Variants in CACNA2D3 observed in about 807,000 individuals in gnomAD.
CACNA2D3 encodes calcium voltage-gated channel auxiliary subunit alpha2delta 3.
Under a neutral mutation model 160.6 loss-of-function variants are expected in CACNA2D3, and 60 were observed. The observed-to-expected ratio is 0.37, with a 90% CI of 0.30 to 0.46. The LOEUF (loss-of-function observed/expected upper bound fraction) is 0.46, where lower values mean the gene tolerates loss of function less well. Ranked by LOEUF, CACNA2D3 falls within the 20% of genes least tolerant of loss-of-function variation. The probability of loss-of-function intolerance (pLI) is 1.00; values close to 1 mark genes in which losing one functional copy is unlikely to be tolerated. For synonymous variants in CACNA2D3, 558 were observed against 492.9 expected (o/e 1.13, Z -1.75); for missense variants, 1,205 against 1,365.0 (o/e 0.88, Z 1.85).
intron 11 of CACNA2D3, among the ~76,000 whole-genome samples, chr3:54,685,342 T>G (rs1383309038): frequency 6.6e-6 from 1 of 152,272 alleles, no homozygotes; most frequent in African/African-American, 2.4e-5. Context: ...TACTTAAGTC[T>G]GCTACTGTAG....
intron 11 of CACNA2D3, among the ~76,000 whole-genome samples, chr3:54,736,877 G>T (rs1355313172): frequency 6.6e-6 from 1 of 152,038 alleles, no homozygotes; most frequent in African/African-American, 2.4e-5. Flanking sequence ...TGTAATCCTC[G>T]GTTTGTTCAG....
At chr3:54,689,777 C>A (rs1480738530) in intron 11 of CACNA2D3, among the ~76,000 whole-genome samples, 1 of 152,068 alleles carries the variant, frequency 6.6e-6, no homozygotes, top group Non-Finnish European at 1.5e-5. Context: ...ACTACACTAG[C>A]CTCCTAACTA....
At chr3:54,324,113 A>C (rs558687084) in intron 3 of CACNA2D3, among the ~76,000 whole-genome samples, 1 of 152,118 alleles carries the variant, frequency 6.6e-6, no homozygotes, top group African/African-American at 2.4e-5. Flanking sequence ...GTGCTGGGGG[A>C]AAAAAATGGA....
intron 4 of CACNA2D3, among the ~76,000 whole-genome samples, chr3:54,408,816 A>C (rs1007754625): frequency 6.6e-6 from 1 of 152,168 alleles, no homozygotes; most frequent in African/African-American, 2.4e-5. Flanking sequence ...TTTTTTTCAC[A>C]TAAGTGTCCA....
At chr3:54,817,677 T>C (rs1703487488) in intron 14 of CACNA2D3, among the ~76,000 whole-genome samples, 1 of 152,196 alleles carries the variant, frequency 6.6e-6, no homozygotes, top group African/African-American at 2.4e-5. Context: ...TCCTAAGCTC[T>C]CCAGTTTAGA....
At chr3:54,998,906 C>T (rs911108690) in intron 31 of CACNA2D3, among the ~76,000 whole-genome samples, 19 of 152,016 alleles carry the variant, frequency 1.2e-4, no homozygotes, top group African/African-American at 4.3e-4. Context: ...GCTACCATGC[C>T]CGGCTAATTT....
At chr3:54,915,284 C>T (rs535904078) in intron 27 of CACNA2D3, among the ~76,000 whole-genome samples, 34 of 152,212 alleles carry the variant, frequency 2.2e-4, no homozygotes, top group Admixed American at 5.9e-4. Flanking sequence ...TTCATGCCCC[C>T]TTTTTTTATG....
At position 54,554,336 on chromosome 3, in the gene CACNA2D3, G is replaced by A. The variant is rs144971249; in HGVS notation, c.545-8464G>A. ...CTCATACTGAAATGTCAACTTCATT[G>A]TCTGGCATAATGTTGAATGCCTGAT... On this transcript the variant is annotated intron_variant, in intron 5 of 37. Coordinates refer to ENST00000474759, the MANE Select transcript of CACNA2D3 (RefSeq NM_018398.3). 6.3e-3 allele frequency among the ~76,000 whole-genome samples: 953 copies of A among 152,196 alleles called. 13 individuals are homozygous for A. The highest frequency in any genetic ancestry group is 0.021 in the African/African-American group (884 of 41,536).
chr3:54,551,307 T>G (rs1021019638), intron 5 of CACNA2D3, among the ~76,000 whole-genome samples: 2 of 152,180 alleles, frequency 1.3e-5, no homozygotes, highest in African/African-American at 4.8e-5. Flanking sequence ...GCCCACTGTT[T>G]TGTCTCCAAA....
chr3:54,233,476 T>C (rs1701817201), intron 2 of CACNA2D3, among the ~76,000 whole-genome samples: 1 of 152,210 alleles, frequency 6.6e-6, no homozygotes, highest in African/African-American at 2.4e-5. Context: ...GCACCATAAG[T>C]GGATGCGTCC....
At chr3:54,208,096 C>G (rs1701304592) in intron 2 of CACNA2D3, among the ~76,000 whole-genome samples, 1 of 152,130 alleles carries the variant, frequency 6.6e-6, no homozygotes, top group Non-Finnish European at 1.5e-5. Flanking sequence ...GTTGTTTGAT[C>G]TTGTTCATGG....
chr3:54,350,540 T>G (rs1474600539), intron 3 of CACNA2D3, among the ~76,000 whole-genome samples: 1 of 152,206 alleles, frequency 6.6e-6, no homozygotes, highest in Non-Finnish European at 1.5e-5. Flanking sequence ...TAGGCCATTT[T>G]AGGTTCTTCT....
chr3:54,329,764 A>G (rs1274723667), intron 3 of CACNA2D3, among the ~76,000 whole-genome samples: 1 of 152,240 alleles, frequency 6.6e-6, no homozygotes. Flanking sequence ...AATAATAATA[A>G]TGATAATAAA....
At chr3:54,642,449 G>A (rs1699543717) in intron 11 of CACNA2D3, among the ~76,000 whole-genome samples, 1 of 152,122 alleles carries the variant, frequency 6.6e-6, no homozygotes. Flanking sequence ...GAAGAAACTT[G>A]TAAAGACATA....
chr3:54,463,303 C>T (rs1700543531), intron 4 of CACNA2D3, among the ~76,000 whole-genome samples: 2 of 152,086 alleles, frequency 1.3e-5, no homozygotes, highest in African/African-American at 2.4e-5. Flanking sequence ...TCTGTATTTC[C>T]TGAATCTGAA....
intron 6 of CACNA2D3, 134 bp from the exon 7 acceptor site, chr3:54,569,661 G>A: frequency 1.4e-6 from 1 of 708,086 alleles, no homozygotes. Context: ...TGGAGCATGT[G>A]ATGAGCTCTG....
At chr3:54,739,911 G>GT (rs1701615379) in intron 11 of CACNA2D3, among the ~76,000 whole-genome samples, 1 of 151,948 alleles carries the variant, frequency 6.6e-6, no homozygotes, top group Admixed American at 6.6e-5. Context: ...TCTATAAAAA[G>GT]TATTTCAAGA....
chr3:54,856,224 A>G (rs1004050017), intron 17 of CACNA2D3, among the ~76,000 whole-genome samples: 2 of 150,798 alleles, frequency 1.3e-5, no homozygotes, highest in African/African-American at 4.8e-5. Flanking sequence ...ACAATATGTT[A>G]TCAAGCACCA....
Position 54,581,481 on chromosome 3 carries a change from G to T in CACNA2D3, c.889-322G>T, listed in dbSNP as rs1702676549. On this transcript the variant is annotated intron_variant, in intron 8 of 37. Transcript: ENST00000474759. ...TCTTCAGCTCCCACCAGGACCATGG[G>T]CTGTCAGCCATGCCCAGGGAACTGC... 3.3e-5 allele frequency among the ~76,000 whole-genome samples: 5 copies of T among 152,174 alleles called. No homozygotes were observed. In the South Asian group the frequency reaches 1.0e-3, roughly 32 times the overall value.
Sources: gnomAD v4.1 joint callset for allele counts (sites outside exome capture counted in the v4.1 genomes callset) on GRCh38, gnomAD v4.1.1 for gene constraint, MANE v1.5 for transcripts, NCBI Gene and HGNC (gene_info 2026-07-23, HGNC 2026-07-21) for gene names.